Variants in NGLY1 observed in about 807,000 individuals in gnomAD.
NGLY1 encodes N-glycanase 1.
Under a neutral mutation model 84.6 loss-of-function variants are expected in NGLY1, and 68 were observed. The ratio of observed to expected loss-of-function variants is 0.80; its 90% CI spans 0.66 to 0.98. NGLY1 has a LOEUF of 0.98. Among genes scored for constraint, NGLY1 ranks in the 50% least tolerant of loss-of-function variants. The pLI, the probability that NGLY1 is intolerant of heterozygous loss-of-function variation, is 0.00. For synonymous variants in NGLY1, 280 were observed against 275.2 expected, an observed-to-expected ratio of 1.02 and a Z score of -0.17; for missense variants, 779 against 770.2, an observed-to-expected ratio of 1.01 and a Z score of -0.14.
chr3:25,749,465 G>A, intron 4 of NGLY1: 1 of 1,307,196 alleles, frequency 7.6e-7, no homozygotes, highest in South Asian at 1.2e-5. Context: ...TACAGAGGTG[G>A]CAGCCATCTC....
chr3:25,787,443 T>C (rs1273994282), upstream of NGLY1, among the ~76,000 whole-genome samples: 2 of 152,200 alleles, frequency 1.3e-5, no homozygotes, highest in Non-Finnish European at 2.9e-5. Context: ...ATTTGTGCAA[T>C]AGTGATCTTT....
At chr3:25,783,838 A>C (rs1708541079), upstream of NGLY1, among the ~76,000 whole-genome samples, 1 of 149,940 alleles carries the variant, frequency 6.7e-6, no homozygotes, top group Admixed American at 6.6e-5. This position sits in a 1 kb window ranked among gnomAD's most constrained non-coding sequence, Gnocchi z 4.5. Flanking sequence ...GTGGGCCTGG[A>C]GGAGGGGGAT....
intron 1 of NGLY1, among the ~76,000 whole-genome samples, chr3:25,780,249 G>A (rs1559561546): frequency 6.6e-6 from 1 of 152,208 alleles, no homozygotes; most frequent in Non-Finnish European, 1.5e-5. Flanking sequence ...TCTCAGTGGA[G>A]TTTCCTTGTG....
At position 25,736,128 on chromosome 3, in the gene NGLY1, T is replaced by C. The variant is rs757712371; in HGVS notation, c.1025A>G (p.Tyr342Cys). Residue 342 changes from tyrosine (Y) to cysteine (C), a missense_variant, in exon 7 of 12, where the codon TAT (tyrosine) becomes TGT (cysteine). By Grantham distance (194) the Tyr-to-Cys change is radical. Coordinates refer to ENST00000280700, the MANE Select transcript of NGLY1 (RefSeq NM_018297.4). Reference sequence around the variant, plus strand: ...CAGCCACCGCTGCTGAGAAGGAGAATAGACTTCTGTCCAGACATGGTCTAC... The same window carrying C: ...CAGCCACCGCTGCTGAGAAGGAGAACAGACTTCTGTCCAGACATGGTCTAC... ...DYTDHVWTEV[Y>C]SPSQQRWLHC... 1.4e-5 allele frequency: 23 copies of C among 1,613,496 alleles called. No homozygotes were observed. Among genetic ancestry groups the C allele is most frequent in the East Asian group, 6.7e-5 (3 of 44,856 alleles).
At chr3:25,763,341 GAT>G (rs1008264651) in intron 3 of NGLY1, among the ~76,000 whole-genome samples, 1 of 152,132 alleles carries the variant, frequency 6.6e-6, no homozygotes, top group African/African-American at 2.4e-5. Context: ...AATCTTAAAA[GAT>G]ATATTCTAAC....
Position 25,751,141 on chromosome 3 carries a change from C to T in NGLY1, c.615G>A (p.Arg205=). 6.2e-7 allele frequency: 1 copy of T among 1,613,546 alleles called. No homozygotes were observed. Among genetic ancestry groups the T allele is most frequent in the Non-Finnish European group, 8.5e-7 (1 of 1,179,764 alleles). ...LACIPVQELK[R]KSQEKLSRAR... ...CTCTCGATAACTTTTCTTGTGATTT[C>T]CTTTTTAGTTCTTGGACCGGAATAC... is the stretch of plus-strand genomic sequence containing the variant. The change falls in exon 4 of 12, where the codon AGG becomes AGA. Residue 205 remains arginine, a synonymous_variant. Coordinates refer to ENST00000280700, the MANE Select transcript of NGLY1 (RefSeq NM_018297.4).
chr3:25,789,088 G>A (rs1708663799), intron 1 of NGLY1, among the ~76,000 whole-genome samples: 1 of 152,146 alleles, frequency 6.6e-6, no homozygotes, highest in African/African-American at 2.4e-5. Flanking sequence ...CTCACGCCTG[G>A]GATAGCATGT....
At chr3:25,729,462 T>C (rs1705428786) in intron 9 of NGLY1, 144 bp from the exon 10 acceptor site, 6 of 423,370 alleles carry the variant, frequency 1.4e-5, no homozygotes, top group Middle Eastern at 1.2e-3. Flanking sequence ...GAAATTATTT[T>C]ATAAATTAAA....
chr3:25,769,731 T>C (rs1168797029), intron 2 of NGLY1, among the ~76,000 whole-genome samples: 1 of 152,192 alleles, frequency 6.6e-6, no homozygotes, highest in African/African-American at 2.4e-5. Flanking sequence ...TTTTTAATGA[T>C]CTTTAATTTT....
Position 25,778,698 on chromosome 3 carries a change from A to C in NGLY1, c.132-10T>G. The C allele has an allele frequency of 6.5e-7, 1 of 1,541,086 alleles. No individual in the cohort carries two copies. The highest frequency in any genetic ancestry group is 8.8e-7 in the Non-Finnish European group (1 of 1,130,314). On this transcript the variant is annotated splice_polypyrimidine_tract_variant and intron_variant, in intron 1 of 11. Transcript: ENST00000280700. ...TTCATCATTAGGGTTTCTGACAAAA[A>C]ACAAAAGTTTGATTATATATAAAAA... is the stretch of plus-strand genomic sequence containing the variant.
At chr3:25,767,189 G>A (rs910661737) in intron 2 of NGLY1, among the ~76,000 whole-genome samples, 1 of 151,962 alleles carries the variant, frequency 6.6e-6, no homozygotes, top group Admixed American at 6.5e-5. Context: ...CTACTCGGGA[G>A]GCTGAGGCAG....
chr3:25,773,016 T>C (rs1016413386), intron 2 of NGLY1, among the ~76,000 whole-genome samples: 2 of 152,222 alleles, frequency 1.3e-5, no homozygotes, highest in Non-Finnish European at 2.9e-5. Context: ...CTGATAGGTG[T>C]TCCTTTTTAG....
At chr3:25,764,780 T>C (rs1022081975) in intron 2 of NGLY1, among the ~76,000 whole-genome samples, 1 of 152,210 alleles carries the variant, frequency 6.6e-6, no homozygotes, top group Non-Finnish European at 1.5e-5. Context: ...TCTAACAACC[T>C]TTGAATCTTG....
At chr3:25,751,849 T>G (rs1706767217) in intron 3 of NGLY1, among the ~76,000 whole-genome samples, 3 of 152,308 alleles carry the variant, frequency 2.0e-5, no homozygotes, top group African/African-American at 7.2e-5. Context: ...TATCTCGGCT[T>G]CTCCCTCCTT....
At chr3:25,730,069 T>C (rs1213286670) in intron 9 of NGLY1, 2 of 152,132 alleles carry the variant, frequency 1.3e-5, no homozygotes, top group African/African-American at 2.4e-5. Flanking sequence ...CTGAGAGGTA[T>C]AGCATGAAAC....
intron 2 of NGLY1, among the ~76,000 whole-genome samples, chr3:25,775,684 A>G (rs1028861587): frequency 6.6e-6 from 1 of 152,246 alleles, no homozygotes; most frequent in African/African-American, 2.4e-5. Context: ...CAGTTACCAA[A>G]GGCTTGGAGG....
At chr3:25,738,987 G>A (rs1219831188) in intron 5 of NGLY1, among the ~76,000 whole-genome samples, 4 of 152,092 alleles carry the variant, frequency 2.6e-5, no homozygotes, top group African/African-American at 7.2e-5. Context: ...TGAGGAGTAG[G>A]TTAGGTTGGG....
chr3:25,767,578 G>A (rs1477155826), intron 2 of NGLY1, among the ~76,000 whole-genome samples: 3 of 152,144 alleles, frequency 2.0e-5, no homozygotes, highest in Non-Finnish European at 4.4e-5. Context: ...GATCCATTTG[G>A]ATCCTAATCT....
intron 10 of NGLY1, among the ~76,000 whole-genome samples, chr3:25,727,423 C>T (rs1000947371): frequency 1.3e-5 from 2 of 152,160 alleles, no homozygotes; most frequent in East Asian, 1.9e-4. Flanking sequence ...AAATACGCCA[C>T]GTACTCCATG....
Sources: allele counts gnomAD v4.1 joint callset (sites outside exome capture counted in the v4.1 genomes callset), GRCh38; gene constraint gnomAD v4.1.1; non-coding constraint Gnocchi (gnomAD v3.1); transcripts MANE v1.5; gene names NCBI Gene and HGNC (gene_info 2026-07-23, HGNC 2026-07-21).